The following DAB1 variants were observed in gnomAD, a reference collection of about 807,000 sequenced individuals.
The protein encoded by DAB1 is DAB adaptor protein 1, also known as disabled homolog 1.
A neutral mutation model predicts 64.6 loss-of-function variants in DAB1; 15 were observed. The observed-to-expected ratio is 0.23, with a 90% CI of 0.16 to 0.36. The LOEUF (loss-of-function observed/expected upper bound fraction) is 0.36, where lower values mean the gene tolerates loss of function less well. DAB1 is among the 10% of genes least tolerant of loss of function. DAB1 has a pLI of 1.00. For missense variants in DAB1, 596 were observed against 706.7 expected (o/e 0.84, Z 1.78); for synonymous variants, 235 against 251.9 (o/e 0.93, Z 0.64).
intron 4 of DAB1, among the ~76,000 whole-genome samples, chr1:57,089,248 T>A (rs1653397967): frequency 6.6e-6 from 1 of 152,230 alleles, no homozygotes; most frequent in African/African-American, 2.4e-5. Flanking sequence ...TCTCTGTTTA[T>A]GTACAATATA....
intron 7 of DAB1, among the ~76,000 whole-genome samples, chr1:57,440,804 T>C (rs59422555): frequency 0.11 from 15,998 of 152,304 alleles, 1,021 homozygotes; most frequent in Non-Finnish European, 0.15. Context: ...TGTTTATAAA[T>C]ATAAAATAAA....
intron 3 of DAB1, among the ~76,000 whole-genome samples, chr1:57,140,485 GC>G (rs537205045): frequency 3.3e-5 from 5 of 152,116 alleles, no homozygotes; most frequent in Admixed American, 6.6e-5. Context: ...TTCTTTAAGA[GC>G]CCCTTTTTGG....
intron 1 of DAB1, among the ~76,000 whole-genome samples, chr1:57,395,748 GAAT>G (rs1682754422): frequency 3.6e-5 from 3 of 83,050 alleles, no homozygotes; most frequent in African/African-American, 1.8e-4. Flanking sequence ...CCATATTAGG[GAAT>G]ACAGACCTAT....
chr1:57,325,688 G>C (rs1440450919), intron 1 of DAB1, among the ~76,000 whole-genome samples: 2 of 152,164 alleles, frequency 1.3e-5, no homozygotes, highest in African/African-American at 4.8e-5. Context: ...GCCAGTCATT[G>C]TAAGTAGGTG....
chr1:57,754,267 T>C (rs1187595128), intron 6 of DAB1, among the ~76,000 whole-genome samples: 3 of 152,318 alleles, frequency 2.0e-5, no homozygotes, highest in African/African-American at 7.2e-5. Context: ...ATATTTGAGT[T>C]TGCAACTCCC....
intron 1 of DAB1, among the ~76,000 whole-genome samples, chr1:58,533,312 T>G (rs1646465464): frequency 6.6e-6 from 1 of 152,208 alleles, no homozygotes; most frequent in South Asian, 2.1e-4. Context: ...CACGTTAAAG[T>G]CCCAGTTCGG....
intron 6 of DAB1, among the ~76,000 whole-genome samples, chr1:57,795,690 G>GATATAGATAT (rs1650813700): frequency 1.4e-5 from 1 of 69,098 alleles, no homozygotes; most frequent in Non-Finnish European, 2.6e-5. Context: ...TATGCTTGGA[G>GATATAGATAT]ATATATATAT....
chr1:57,138,821 T>C (rs1181725860), intron 3 of DAB1, among the ~76,000 whole-genome samples: 1 of 152,222 alleles, frequency 6.6e-6, no homozygotes, highest in Non-Finnish European at 1.5e-5. Context: ...AATTTCCTCC[T>C]GGAAGTTACC....
chr1:57,695,770 A>G (rs3131775), intron 6 of DAB1, among the ~76,000 whole-genome samples: 111,842 of 151,986 alleles, frequency 0.74, 42,030 homozygotes, highest in East Asian at 0.93. Context: ...TGTGATGGCG[A>G]GCACCTGTAA....
chr1:57,953,212 C>A (rs975739756), intron 5 of DAB1, among the ~76,000 whole-genome samples: 1 of 152,208 alleles, frequency 6.6e-6, no homozygotes, highest in African/African-American at 2.4e-5. Flanking sequence ...AATGAAGAAG[C>A]TTGACTTTTC....
At chr1:57,840,929 G>C (rs1418990951) in intron 1 of DAB1, among the ~76,000 whole-genome samples, 1 of 152,148 alleles carries the variant, frequency 6.6e-6, no homozygotes, top group African/African-American at 2.4e-5. Flanking sequence ...CTTCCCAACA[G>C]TCCCTCAAAG....
At chr1:57,303,673 A>AAAC (rs1673870181) in intron 1 of DAB1, among the ~76,000 whole-genome samples, 3 of 133,964 alleles carry the variant, frequency 2.2e-5, no homozygotes, top group East Asian at 2.3e-4. Flanking sequence ...ACAAACAAAC[A>AAAC]AAAAAAAACA....
At chr1:58,282,841 G>C (rs1463005932) in intron 4 of DAB1, among the ~76,000 whole-genome samples, 1 of 152,252 alleles carries the variant, frequency 6.6e-6, no homozygotes, top group Non-Finnish European at 1.5e-5. Context: ...TCCCAGCTCT[G>C]TCGGCAGCCG....
rs78853567 is a variant in DAB1, at chr1:57,656,515, C to G, written n.552-6850G>C. On this transcript the variant is annotated intron_variant and non_coding_transcript_variant, in intron 6 of 20. Coordinates refer to the DAB1 transcript ENST00000485760. ...TCTTACACATGACATAGGTCTTGGA[C>G]CAGAATGTGACTGCAGTTTGTTAGC... 5.6e-3 allele frequency among the ~76,000 whole-genome samples: 852 copies of G among 152,240 alleles called. 9 individuals are homozygous for G. Among genetic ancestry groups the G allele is most frequent in the African/African-American group, 0.019 (790 of 41,548 alleles).
chr1:58,480,423 T>C (rs1213669712), intron 3 of DAB1, among the ~76,000 whole-genome samples: 3 of 152,148 alleles, frequency 2.0e-5, no homozygotes, highest in Non-Finnish European at 2.9e-5. Flanking sequence ...CTGTACTTCT[T>C]TTGCCTCCCT....
chr1:57,516,743 C>T (rs2101366848), intron 7 of DAB1, among the ~76,000 whole-genome samples: 1 of 152,272 alleles, frequency 6.6e-6, no homozygotes, highest in African/African-American at 2.4e-5. Context: ...TCCTTGAACG[C>T]CAACTTCTAT....
intron 2 of DAB1, among the ~76,000 whole-genome samples, chr1:57,270,979 C>G (rs1214798306): frequency 6.6e-6 from 1 of 152,134 alleles, no homozygotes; most frequent in Non-Finnish European, 1.5e-5. Context: ...TCCAAGTTTC[C>G]AAAGACTTTC....
chr1:57,834,741 T>G (rs1363810413), intron 1 of DAB1, among the ~76,000 whole-genome samples: 1 of 151,882 alleles, frequency 6.6e-6, no homozygotes, highest in Admixed American at 6.6e-5. Context: ...GTTTAAAATA[T>G]ATATACATAA....
At chr1:58,516,248 G>A (rs922817232) in intron 2 of DAB1, among the ~76,000 whole-genome samples, 1 of 152,116 alleles carries the variant, frequency 6.6e-6, no homozygotes, top group Admixed American at 6.5e-5. Flanking sequence ...ACCACTAAAA[G>A]AATATCAGTT....
Sources: allele counts gnomAD v4.1 joint callset (sites outside exome capture counted in the v4.1 genomes callset), GRCh38; gene constraint gnomAD v4.1.1; transcripts MANE v1.5; gene names NCBI Gene and HGNC (gene_info 2026-07-23, HGNC 2026-07-21).